Variants in PACRG observed in about 807,000 individuals in gnomAD.
The protein encoded by PACRG is parkin coregulated gene protein.
A neutral mutation model predicts 29.7 loss-of-function variants in PACRG; 29 were observed. The observed-to-expected ratio is 0.98, with a 90% CI of 0.73 to 1.33. The LOEUF (loss-of-function observed/expected upper bound fraction) is 1.33. Among genes scored for constraint, PACRG ranks in the 40% most tolerant of loss-of-function variants. The probability of loss-of-function intolerance (pLI) is 0.00; values close to 1 mark genes in which losing one functional copy is unlikely to be tolerated. For synonymous variants in PACRG, 116 were observed against 118.7 expected, an observed-to-expected ratio of 0.98 and a Z score of 0.15; for missense variants, 279 against 316.2, an observed-to-expected ratio of 0.88 and a Z score of 0.89.
intron 4 of PACRG, among the ~76,000 whole-genome samples, chr6:163,101,641 T>C (rs1815092558): frequency 6.6e-6 from 1 of 151,954 alleles, no homozygotes; most frequent in Non-Finnish European, 1.5e-5. Context: ...AACCATGGAG[T>C]GAGGAGAAGG....
At chr6:163,232,400 C>T (rs9456845) in intron 4 of PACRG, among the ~76,000 whole-genome samples, 42,803 of 151,894 alleles carry the variant, frequency 0.28, 6,303 homozygotes, top group Middle Eastern at 0.38. Flanking sequence ...GTCAGACCAA[C>T]GCCCACACTT....
At chr6:162,923,149 T>C (rs1797187032) in intron 2 of PACRG, among the ~76,000 whole-genome samples, 5 of 152,188 alleles carry the variant, frequency 3.3e-5, no homozygotes, top group Admixed American at 3.3e-4. Context: ...TTAAAAAATA[T>C]ACTTGCTGGC....
chr6:163,031,893 A>G (rs1807700348), intron 2 of PACRG, among the ~76,000 whole-genome samples: 1 of 152,192 alleles, frequency 6.6e-6, no homozygotes, highest in African/African-American at 2.4e-5. Flanking sequence ...GTATGAGGCC[A>G]GTTTTCCAAA....
intron 1 of PACRG, among the ~76,000 whole-genome samples, chr6:162,784,662 C>A: frequency 6.6e-6 from 1 of 152,000 alleles, no homozygotes; most frequent in East Asian, 1.9e-4. Flanking sequence ...TATGAGAAAA[C>A]AGATACAGAA....
At chr6:163,263,936 T>C (rs1432980101) in intron 4 of PACRG, among the ~76,000 whole-genome samples, 1 of 152,220 alleles carries the variant, frequency 6.6e-6, no homozygotes, top group East Asian at 1.9e-4. Flanking sequence ...TTGTGCTTTT[T>C]TGTTGATGTA....
intron 2 of PACRG, among the ~76,000 whole-genome samples, chr6:162,816,193 A>C (rs2128366373): frequency 6.6e-6 from 1 of 152,306 alleles, no homozygotes; most frequent in Middle Eastern, 3.4e-3. Flanking sequence ...AAAAGTAATA[A>C]AAAGAAGAAA....
chr6:162,735,302 G>T (rs1780081145), intron 1 of PACRG, among the ~76,000 whole-genome samples: 1 of 152,100 alleles, frequency 6.6e-6, no homozygotes, highest in African/African-American at 2.4e-5. Flanking sequence ...TTTGGCTTTA[G>T]TAACTAAACT....
At chr6:163,211,368 A>G (rs115121401) in intron 4 of PACRG, among the ~76,000 whole-genome samples, 257 of 152,354 alleles carry the variant, frequency 1.7e-3, no homozygotes, top group African/African-American at 5.6e-3. Context: ...GAGTAAAGGG[A>G]CAGATAGCTG....
At chr6:163,290,853 T>A (rs1018356052) in intron 4 of PACRG, among the ~76,000 whole-genome samples, 4 of 152,144 alleles carry the variant, frequency 2.6e-5, no homozygotes, top group African/African-American at 9.7e-5. Flanking sequence ...CAGCGTGAGG[T>A]CCGGGTCAGG....
In PACRG at chr6:163,089,248, TTACC is replaced by T; in HGVS notation, c.464-10_464-7del. 1 of 1,610,630 alleles carries T rather than the reference TTACC, an allele frequency of 6.2e-7. No homozygotes were observed. The highest frequency in any genetic ancestry group is 8.5e-7 in the Non-Finnish European group (1 of 1,178,014). ...AAATATTTTCTGCTTGGTCCTTCTT[TTACC>T]ATATAGATGCCTTGAACCTCCGAAA... On this transcript the variant is annotated splice_polypyrimidine_tract_variant and splice_region_variant and intron_variant, in intron 3 of 4. Coordinates refer to ENST00000366888, the MANE Select transcript of PACRG (RefSeq NM_001080379.2).
chr6:163,112,108 G>A (rs1815746957), intron 4 of PACRG: 1 of 890,990 alleles, frequency 1.1e-6, no homozygotes, highest in African/African-American at 1.8e-5. Flanking sequence ...GAAGATGGTA[G>A]AGTAAAAAGC....
chr6:163,210,137 A>G (rs1462200375), intron 4 of PACRG, among the ~76,000 whole-genome samples: 1 of 152,234 alleles, frequency 6.6e-6, no homozygotes. Flanking sequence ...CTTATTAAAG[A>G]TTACAGAGCA....
chr6:163,023,609 G>A (rs1165683152), intron 2 of PACRG, among the ~76,000 whole-genome samples: 1 of 152,152 alleles, frequency 6.6e-6, no homozygotes, highest in African/African-American at 2.4e-5. Context: ...GGATTGTTGG[G>A]TCAAATGATC....
chr6:163,069,920 A>G (rs541951077), intron 3 of PACRG, among the ~76,000 whole-genome samples: 34 of 152,332 alleles, frequency 2.2e-4, no homozygotes, highest in African/African-American at 8.2e-4. Context: ...GCAGCAAGAG[A>G]AAATAAACAA....
intron 4 of PACRG, among the ~76,000 whole-genome samples, chr6:163,189,246 A>G (rs1327908418): frequency 1.3e-5 from 2 of 152,224 alleles, no homozygotes; most frequent in Non-Finnish European, 2.9e-5. Flanking sequence ...GACATAAGGG[A>G]TTTGCTGACA....
chr6:162,743,145 TC>T (rs1243779916), intron 1 of PACRG, among the ~76,000 whole-genome samples: 4 of 152,214 alleles, frequency 2.6e-5, no homozygotes, highest in Non-Finnish European at 5.9e-5. Flanking sequence ...TTTTCATATA[TC>T]TGCTGGGCAT....
At chr6:162,819,548 A>G (rs1787655783) in intron 2 of PACRG, among the ~76,000 whole-genome samples, 1 of 152,170 alleles carries the variant, frequency 6.6e-6, no homozygotes, top group African/African-American at 2.4e-5. Context: ...ATCCAGTAAC[A>G]ATGTTAGTAA....
chr6:162,800,239 A>G (rs944088541), intron 1 of PACRG, among the ~76,000 whole-genome samples: 1 of 152,250 alleles, frequency 6.6e-6, no homozygotes, highest in African/African-American at 2.4e-5. Flanking sequence ...TTAACTGTCA[A>G]GAATTTTTTT....
At chr6:163,109,375 C>T in intron 4 of PACRG, among the ~76,000 whole-genome samples, 1 of 152,164 alleles carries the variant, frequency 6.6e-6, no homozygotes, top group South Asian at 2.1e-4. Flanking sequence ...TCTATGATAG[C>T]AAATTCTTCT....
Sources: gnomAD v4.1 joint callset for allele counts (sites outside exome capture counted in the v4.1 genomes callset) on GRCh38, gnomAD v4.1.1 for gene constraint, MANE v1.5 for transcripts, NCBI Gene and HGNC (gene_info 2026-07-23, HGNC 2026-07-21) for gene names.